ZMYND12: variants seen among roughly 807,000 people sequenced by gnomAD.
ZMYND12 encodes the protein zinc finger MYND-type containing 12, also known as zinc finger MYND domain-containing protein 12.
ZMYND12 carries 32 observed loss-of-function variants against 41.7 expected under a neutral mutation model. The observed-to-expected ratio is 0.77, with a 90% CI of 0.58 to 1.03. The LOEUF (loss-of-function observed/expected upper bound fraction) is 1.03. Ranked by LOEUF, ZMYND12 falls within the 50% of genes least tolerant of loss-of-function variation. ZMYND12 has a pLI of 0.00. For missense variants in ZMYND12, 424 were observed against 438.5 expected (o/e 0.97, Z 0.30); for synonymous variants, 148 against 164.8 (o/e 0.90, Z 0.78).
chr1:42,449,816 T>C lies in ZMYND12; in HGVS notation c.252+102A>G. On this transcript the variant is annotated intron_variant, in intron 2 of 7. Coordinates refer to ENST00000372565, the MANE Select transcript of ZMYND12 (RefSeq NM_032257.5). ...AAGATATAAAACAAAGTCTCTGCCC[T>C]CCGTGAGGTTACAATTTAGTGATCC... is the stretch of plus-strand genomic sequence containing the variant. 2.8e-6 allele frequency: 4 copies of C among 1,428,448 alleles called. No individual in the cohort carries two copies. The South Asian group carries it at 5.2e-5, about 19-fold the overall frequency. The allele number at this position is 1,428,448 out of a possible 1,614,324, so 88.5% of individuals were successfully genotyped here. A position where few individuals can be genotyped will look rare whatever the true frequency, so the allele number is the denominator to read the frequency against.
chr1:42,450,773 T>A (rs984370576), intron 1 of ZMYND12, among the ~76,000 whole-genome samples: 1 of 152,170 alleles, frequency 6.6e-6, no homozygotes, highest in Admixed American at 6.5e-5. Context: ...AGCATCTAAG[T>A]TTTAGTATGT....
Position 42,439,915 on chromosome 1 carries a change from C to T in ZMYND12, c.535G>A (p.Gly179Arg), listed in dbSNP as rs1480184217. ...TTTTTCTTAGCTATATAGAGAAGTCCCAGATTCCGATGCAGTAAAGAGTGG... is the reference window on the plus strand; with the variant it reads ...TTTTTCTTAGCTATATAGAGAAGTCTCAGATTCCGATGCAGTAAAGAGTGG... ...ATHSLLHRNL[G>R]LLYIAKKNYE... The change falls in exon 4 of 8, where the codon GGA becomes AGA. Residue 179 changes from glycine (G) to arginine (R), a missense_variant. Coordinates refer to ENST00000372565, the MANE Select transcript of ZMYND12 (RefSeq NM_032257.5). 3.7e-6 allele frequency: 6 copies of T among 1,613,950 alleles called. No individual in the cohort carries two copies. Among genetic ancestry groups the T allele is most frequent in the Non-Finnish European group, 5.1e-6 (6 of 1,180,000 alleles).
chr1:42,432,039 TC>T (rs1642858489), intron 7 of ZMYND12, among the ~76,000 whole-genome samples: 1 of 149,194 alleles, frequency 6.7e-6, no homozygotes, highest in Non-Finnish European at 1.5e-5. Flanking sequence ...TTCTTCTTCT[TC>T]TTCTTTTCTT....
rs1410897737 is a variant in ZMYND12 at position 42,430,467 on chromosome 1, C to A, written c.*269G>T. The A allele has an allele frequency of 5.5e-6, 2 of 365,188 alleles. No homozygotes were observed. The highest frequency in any genetic ancestry group is 2.0e-5 in the African/African-American group (1 of 50,222). 22.6% of individuals were successfully genotyped at this position (365,188 alleles called of 1,614,324 possible). ...TAATTACAAATACCATATTAGTGAT[C>A]TGACTACATATTACTCAGTCATACA... is the stretch of plus-strand genomic sequence containing the variant. On this transcript the variant is annotated 3_prime_UTR_variant, in exon 8 of 8. Transcript: ENST00000372565.
In ZMYND12 at chr1:42,440,031, CA is replaced by C. The variant is rs918595298; in HGVS notation, c.425-7del. ...CTGAACGATTCGGCCCAGACCTGCCCAAAAGCAGAAAAGAAGGTTATAATTC... is the reference window on the plus strand; with the variant it reads ...CTGAACGATTCGGCCCAGACCTGCCCAAAGCAGAAAAGAAGGTTATAATTC... On this transcript the variant is annotated splice_region_variant and splice_polypyrimidine_tract_variant and intron_variant, in intron 3 of 7. Coordinates refer to ENST00000372565, the MANE Select transcript of ZMYND12 (RefSeq NM_032257.5). 2 of 1,587,952 alleles carry C rather than the reference CA, an allele frequency of 1.3e-6. No individual in the cohort carries two copies. Among genetic ancestry groups the C allele is most frequent in the Admixed American group, 3.8e-5 (2 of 52,698 alleles).
intron 4 of ZMYND12, among the ~76,000 whole-genome samples, chr1:42,439,399 C>T (rs913979100): frequency 9.9e-5 from 15 of 152,094 alleles, no homozygotes; most frequent in African/African-American, 2.2e-4. Flanking sequence ...CCGAGTATCT[C>T]GGACTACAGG....
intron 3 of ZMYND12, among the ~76,000 whole-genome samples, chr1:42,441,910 G>A (rs1485824485): frequency 2.6e-5 from 4 of 152,182 alleles, no homozygotes; most frequent in East Asian, 1.9e-4. Context: ...GTGAGCCACC[G>A]CACCCGGCCG....
Position 42,456,000 on chromosome 1 carries a change from T to C in ZMYND12, c.-3A>G, listed in dbSNP as rs1367474470. On this transcript the variant is annotated 5_prime_UTR_variant, in exon 1 of 8. Coordinates refer to ENST00000372565, the MANE Select transcript of ZMYND12 (RefSeq NM_032257.5). The stretch of plus-strand genomic sequence containing the variant: ...GCCAGTGGGTAGATCACATTCATGG[T>C]GCAGCCAGCAGTGCTGGTCTCTAAG... The C allele has an allele frequency of 1.2e-6, 2 of 1,608,956 alleles. No homozygotes were observed. Among genetic ancestry groups the C allele is most frequent in the Non-Finnish European group, 1.7e-6 (2 of 1,177,412 alleles).
Position 42,435,302 on chromosome 1 carries a change from G to A in ZMYND12, c.801C>T (p.Gly267=), listed in dbSNP as rs749369833. ...AGCCAGTGTCATTCTCAAATAGTTT[G>A]CCCAGTAAATCCATTTGTTGGATGT... ...QAHIQQMDLL[G]KLFENDTGLD... The change falls in exon 6 of 8, where the codon GGC becomes GGT. Residue 267 remains glycine (G), a synonymous_variant. Coordinates refer to ENST00000372565, the MANE Select transcript of ZMYND12 (RefSeq NM_032257.5). 1 of 1,613,888 alleles carries A rather than the reference G, an allele frequency of 6.2e-7. No individual in the cohort carries two copies. Among genetic ancestry groups the A allele is most frequent in the Admixed American group, 1.7e-5 (1 of 60,016 alleles).
intron 1 of ZMYND12, among the ~76,000 whole-genome samples, chr1:42,453,266 G>A (rs112571526): frequency 1.8e-3 from 277 of 152,190 alleles, no homozygotes; most frequent in Middle Eastern, 6.8e-3. Flanking sequence ...AAAAAAAATC[G>A]AAGATAAGGG....
At position 42,455,912 on chromosome 1, in the gene ZMYND12, G is replaced by A. The variant is rs779242659; in HGVS notation, c.86C>T (p.Ala29Val). 1.9e-5 allele frequency: 31 copies of A among 1,613,384 alleles called. No individual in the cohort carries two copies. The highest frequency in any genetic ancestry group is 2.5e-5 in the Non-Finnish European group (30 of 1,179,800). The change falls in exon 1 of 8, where the codon GCG becomes GTG. Residue 29 changes from alanine (A) to valine (V), a missense_variant. Ala to Val is a moderately conservative substitution (Grantham distance 64). Transcript: ENST00000372565. Reference protein sequence around the residue: ...VCEAPAERVCAACTVTYYCGV... With the variant: ...VCEAPAERVCVACTVTYYCGV... The stretch of plus-strand genomic sequence containing the variant: ...CCAGTAATAAGTGACTGTGCAGGCC[G>A]CGCACACCCGCTCGGCTGGGGCTTC...
intron 3 of ZMYND12, among the ~76,000 whole-genome samples, chr1:42,441,459 A>G (rs1048585616): frequency 2.6e-5 from 4 of 152,238 alleles, no homozygotes; most frequent in Non-Finnish European, 4.4e-5. Flanking sequence ...TAACCTATGC[A>G]CATCATTCCC....
intron 2 of ZMYND12, 129 bp downstream of exon 2, chr1:42,449,789 A>G: frequency 8.6e-7 from 1 of 1,159,752 alleles, no homozygotes; most frequent in Non-Finnish European, 1.2e-6. Flanking sequence ...TGAGGACTTA[A>G]AAAGATATAA....
intron 3 of ZMYND12, among the ~76,000 whole-genome samples, chr1:42,443,751 TC>T (rs1469927875): frequency 6.6e-6 from 1 of 152,222 alleles, no homozygotes; most frequent in Non-Finnish European, 1.5e-5. Context: ...ATTCATTCAT[TC>T]AACCAAACAT....
chr1:42,441,357 C>T (rs1032753690), intron 3 of ZMYND12, among the ~76,000 whole-genome samples: 1 of 152,144 alleles, frequency 6.6e-6, no homozygotes, highest in African/African-American at 2.4e-5. Flanking sequence ...TATAGAGTCA[C>T]AGCTGCAGGG....
At chr1:42,449,337 T>G (rs1320541383) in intron 2 of ZMYND12, among the ~76,000 whole-genome samples, 1 of 152,204 alleles carries the variant, frequency 6.6e-6, no homozygotes, top group Admixed American at 6.5e-5. Context: ...GTGGATGTTA[T>G]GGGCTGAACT....
intron 5 of ZMYND12, among the ~76,000 whole-genome samples, chr1:42,435,700 AT>A (rs1241807477): frequency 6.6e-6 from 1 of 152,198 alleles, no homozygotes; most frequent in Non-Finnish European, 1.5e-5. Context: ...CTGATGTAAT[AT>A]TCTTATTATT....
intron 3 of ZMYND12, among the ~76,000 whole-genome samples, chr1:42,442,862 A>T (rs922105198): frequency 8.5e-5 from 13 of 152,274 alleles, no homozygotes; most frequent in African/African-American, 2.9e-4. Flanking sequence ...CTAAAATGGG[A>T]AACTACTAGA....
In ZMYND12 at chr1:42,440,024, A is replaced by G; in HGVS notation, c.426T>C (p.Gly142=). ...AYLLLAEASL[G]LGRIVQAEEY... ...CTTCAGCCTGAACGATTCGGCCCAG[A>G]CCTGCCCAAAAGCAGAAAAGAAGGT... Residue 142 remains glycine, a splice_region_variant and synonymous_variant, in exon 4 of 8, where the codon GGT becomes GGC. Coordinates refer to ENST00000372565, the MANE Select transcript of ZMYND12 (RefSeq NM_032257.5). The G allele has an allele frequency of 6.3e-7, 1 of 1,593,654 alleles. No homozygotes were observed. Among genetic ancestry groups the G allele is most frequent in the Non-Finnish European group, 8.5e-7 (1 of 1,173,794 alleles).
Sources: allele counts gnomAD v4.1 joint callset (sites outside exome capture counted in the v4.1 genomes callset), GRCh38; gene constraint gnomAD v4.1.1; transcripts MANE v1.5; gene names NCBI Gene and HGNC (gene_info 2026-07-23, HGNC 2026-07-21).